MAST2: variants seen among roughly 807,000 people sequenced by gnomAD.
MAST2 encodes microtubule associated serine/threonine kinase 2, also known as microtubule-associated serine/threonine-protein kinase 2.
Under a neutral mutation model 147.4 loss-of-function variants are expected in MAST2, and 70 were observed. That is an observed-to-expected ratio of 0.47 (90% CI 0.39 to 0.58). The LOEUF (loss-of-function observed/expected upper bound fraction) is 0.58. MAST2 is among the 20% of genes least tolerant of loss of function. The probability of loss-of-function intolerance (pLI) is 0.00; values close to 1 mark genes in which losing one functional copy is unlikely to be tolerated. For synonymous variants in MAST2, 869 were observed against 896.8 expected, an observed-to-expected ratio of 0.97 and a Z score of 0.55; for missense variants, 2,080 against 2,302.3, an observed-to-expected ratio of 0.90 and a Z score of 1.98.
At chr1:45,933,167 G>T (rs71653987) in intron 4 of MAST2, among the ~76,000 whole-genome samples, 1 of 132,378 alleles carries the variant, frequency 7.6e-6, no homozygotes, top group South Asian at 2.6e-4. Context: ...AGGTTGCAGT[G>T]AGTTATGATC....
At chr1:45,830,399 T>G (rs1644920881) in intron 3 of MAST2, among the ~76,000 whole-genome samples, 1 of 151,914 alleles carries the variant, frequency 6.6e-6, no homozygotes, top group Non-Finnish European at 1.5e-5. Context: ...GGTCTTGAAC[T>G]CCTGACCTCA....
intron 3 of MAST2, among the ~76,000 whole-genome samples, chr1:45,838,505 C>G (rs10789475): frequency 0.46 from 69,297 of 151,796 alleles, 16,033 homozygotes; most frequent in East Asian, 0.65. Context: ...TTACAGGTGT[C>G]AGCCAATGCG....
chr1:46,007,639 C>A (rs902548934), intron 8 of MAST2, among the ~76,000 whole-genome samples: 2 of 152,136 alleles, frequency 1.3e-5, no homozygotes, highest in Non-Finnish European at 2.9e-5. Flanking sequence ...CTGGGCAAGA[C>A]CCACATACCC....
Position 46,031,707 on chromosome 1 carries a change from C to A in MAST2, c.3187+122C>A. The stretch of plus-strand genomic sequence containing the variant: ...TGTTAAGCACAGATCTGACTGTGGT[C>A]TCTGAAGGTGTGTATTGGTGTCTGG... On this transcript the variant is annotated intron_variant, in intron 24 of 28. Transcript: ENST00000361297. The surrounding 1 kb of genome is among the most constrained non-coding windows in gnomAD (Gnocchi z 4.1). 1 of 993,048 alleles carries A rather than the reference C, an allele frequency of 1.0e-6. No individual in the cohort carries two copies. Among genetic ancestry groups the A allele is most frequent in the Non-Finnish European group, 1.5e-6 (1 of 684,180 alleles). The allele number at this position is 993,048 out of a possible 1,614,324, so 61.5% of individuals were successfully genotyped here.
At chr1:45,844,646 G>T (rs576942064) in intron 3 of MAST2, among the ~76,000 whole-genome samples, 14 of 152,082 alleles carry the variant, frequency 9.2e-5, no homozygotes, top group Admixed American at 2.6e-4. Context: ...GTTTGGTCTC[G>T]AACCCCTGGG....
chr1:45,991,176 T>C (rs755580085), intron 5 of MAST2, among the ~76,000 whole-genome samples: 10 of 152,184 alleles, frequency 6.6e-5, no homozygotes, highest in Non-Finnish European at 1.5e-4. Flanking sequence ...TTGCCAGTGC[T>C]CCTTTGTCAT....
rs925524 is a variant in MAST2 at position 46,031,037 on chromosome 1, A to G, written c.2739A>G (p.Ser913=). Residue 913 remains serine, a synonymous_variant, in exon 23 of 29, where the codon TCA becomes TCG. Coordinates refer to ENST00000361297, the MANE Select transcript of MAST2 (RefSeq NM_015112.3). The surrounding 1 kb of genome is among the most constrained non-coding windows in gnomAD (Gnocchi z 4.1). ...ILRKRLSVSE[S]SHTESDSSPP... is the part of the protein sequence containing the mutation. ...GGAAGCGGCTGTCGGTGTCTGAGTC[A>G]TCCCACACAGAGAGTGACTCAAGCC... is the stretch of plus-strand genomic sequence containing the variant. 0.7 allele frequency: 1,128,347 copies of G among 1,613,064 alleles called. 395,929 individuals are homozygous for G. The highest frequency in any genetic ancestry group is 0.71 in the Non-Finnish European group (838,952 of 1,179,548).
In MAST2 at chr1:46,030,732, C is replaced by T; in HGVS notation, c.2679C>T (p.Asp893=). ...SDGLAGLKGR[D]RSWVIGSPEI... The stretch of plus-strand genomic sequence containing the variant: ...GCCTGGCAGGGCTCAAAGGCCGAGA[C>T]CGGAGCTGGGTGATTGGCTCCCCTG... The change falls in exon 22 of 29, where the codon GAC becomes GAT. Residue 893 remains aspartate, a synonymous_variant. Transcript: ENST00000361297. The T allele has an allele frequency of 6.3e-7, 1 of 1,594,500 alleles. No homozygotes were observed. The highest frequency in any genetic ancestry group is 8.5e-7 in the Non-Finnish European group (1 of 1,173,290).
chr1:45,900,013 T>TA (rs1649472517), intron 4 of MAST2, among the ~76,000 whole-genome samples: 1 of 150,864 alleles, frequency 6.6e-6, no homozygotes, highest in Non-Finnish European at 1.5e-5. Flanking sequence ...CTACTAAAAA[T>TA]AAAAAAATTA....
intron 12 of MAST2, 61 bp from the exon 13 acceptor site, chr1:46,022,849 G>A (rs1031012606): frequency 6.5e-6 from 8 of 1,236,426 alleles, no homozygotes; most frequent in Non-Finnish European, 9.6e-6. Flanking sequence ...TGTGATCTGA[G>A]GATACTGCTG....
chr1:45,972,109 G>C (rs1426208609), intron 5 of MAST2, among the ~76,000 whole-genome samples: 1 of 152,164 alleles, frequency 6.6e-6, no homozygotes, highest in Non-Finnish European at 1.5e-5. Context: ...GACTAAGATC[G>C]TAATAATGCC....
chr1:46,017,081 T>A (rs1645982056), intron 10 of MAST2, among the ~76,000 whole-genome samples: 1 of 152,174 alleles, frequency 6.6e-6, no homozygotes, highest in East Asian at 1.9e-4. Flanking sequence ...GGGAAAGGAT[T>A]CCCTATTTAA....
chr1:46,010,708 T>G, intron 9 of MAST2, 22 bp from the exon 10 acceptor site: 1 of 1,609,296 alleles, frequency 6.2e-7, no homozygotes, highest in Non-Finnish European at 8.5e-7. Context: ...GGGAAGTGTT[T>G]CTTTCTTGCT....
intron 1 of MAST2, among the ~76,000 whole-genome samples, chr1:45,822,965 A>G (rs1644682467): frequency 1.3e-5 from 2 of 152,216 alleles, no homozygotes; most frequent in Admixed American, 1.3e-4. Flanking sequence ...GTGCCTGGAC[A>G]CATCAATTGT....
intron 3 of MAST2, among the ~76,000 whole-genome samples, chr1:45,872,284 T>C (rs28515745): frequency 4.6e-5 from 7 of 152,158 alleles, no homozygotes; most frequent in African/African-American, 1.7e-4. Context: ...TCCACGCTGG[T>C]GACTGTTGAC....
At chr1:45,810,354 G>A (rs531676618) in intron 1 of MAST2, among the ~76,000 whole-genome samples, 1 of 152,218 alleles carries the variant, frequency 6.6e-6, no homozygotes, top group Admixed American at 6.5e-5. Flanking sequence ...TTAGTACATT[G>A]GGAAAAGCAT....
Position 45,922,160 on chromosome 1 carries a change from C to G in MAST2, c.501-37226C>G, listed in dbSNP as rs184879789. On this transcript the variant is annotated intron_variant, in intron 4 of 28. Coordinates refer to ENST00000361297, the MANE Select transcript of MAST2 (RefSeq NM_015112.3). ...CCCCAAGCCTGGCTGAGTCCAGGGG[C>G]TTTTATGGGCCTCAGAGGGGAGGAA... is the stretch of plus-strand genomic sequence containing the variant. Among the ~76,000 whole-genome samples, 1,125 of 152,272 alleles carry G rather than the reference C, an allele frequency of 7.4e-3. 17 individuals are homozygous for G. The highest frequency in any genetic ancestry group is 0.026 in the African/African-American group (1,062 of 41,558).
At chr1:46,000,694 C>T (rs947316550) in intron 6 of MAST2, among the ~76,000 whole-genome samples, 2 of 152,176 alleles carry the variant, frequency 1.3e-5, no homozygotes, top group Admixed American at 6.5e-5. Context: ...AGTGTTTCAA[C>T]CCTGCCAAAC....
intron 4 of MAST2, among the ~76,000 whole-genome samples, chr1:45,884,325 A>G (rs1646986232): frequency 6.6e-6 from 1 of 152,146 alleles, no homozygotes; most frequent in Admixed American, 6.5e-5. Context: ...AGGTAGGTGG[A>G]TCACCTGAGG....
Sources: allele counts gnomAD v4.1 joint callset (sites outside exome capture counted in the v4.1 genomes callset), GRCh38; gene constraint gnomAD v4.1.1; non-coding constraint Gnocchi (gnomAD v3.1); transcripts MANE v1.5; gene names NCBI Gene and HGNC (gene_info 2026-07-23, HGNC 2026-07-21).